Variants in HIKESHI observed in about 807,000 individuals in gnomAD.
HIKESHI encodes the protein protein Hikeshi.
HIKESHI carries 13 observed loss-of-function variants against 25.7 expected under a neutral mutation model. The observed-to-expected ratio is 0.51, with a 90% confidence interval of 0.33 to 0.80. The LOEUF (loss-of-function observed/expected upper bound fraction) is 0.80, where lower values mean the gene tolerates loss of function less well. HIKESHI is among the 30% of genes least tolerant of loss of function. The pLI, the probability that HIKESHI is intolerant of heterozygous loss-of-function variation, is 0.02. For missense variants in HIKESHI, 174 were observed against 229.5 expected, an observed-to-expected ratio of 0.76 and a Z score of 1.56; for synonymous variants, 76 against 78.7, an observed-to-expected ratio of 0.97 and a Z score of 0.18.
intron 2 of HIKESHI, among the ~76,000 whole-genome samples, chr11:86,322,948 G>T (rs1479530415): frequency 6.6e-6 from 1 of 152,078 alleles, no homozygotes; most frequent in Non-Finnish European, 1.5e-5. Context: ...TAAAATATAG[G>T]CTGGGCACGG....
chr11:86,323,711 G>T (rs291218), intron 2 of HIKESHI, among the ~76,000 whole-genome samples: 9 of 151,996 alleles, frequency 5.9e-5, no homozygotes, highest in Non-Finnish European at 1.3e-4. Context: ...CTTGTGACAC[G>T]TAAGAGATTG....
intron 2 of HIKESHI, among the ~76,000 whole-genome samples, chr11:86,336,941 GAA>G (rs763156415): frequency 1.5e-5 from 2 of 136,672 alleles, no homozygotes. Context: ...GTTCTGAAAG[GAA>G]AAAAAAAAAA....
chr11:86,306,046 G>A (rs778002538), intron 1 of HIKESHI, among the ~76,000 whole-genome samples, 199 bp from the exon 2 acceptor site: 8 of 152,000 alleles, frequency 5.3e-5, no homozygotes, highest in Non-Finnish European at 8.8e-5. Context: ...TGATCTGCCC[G>A]AGTTATATTT....
At chr11:86,306,769 C>T (rs1014090290) in intron 2 of HIKESHI, among the ~76,000 whole-genome samples, 2 of 151,360 alleles carry the variant, frequency 1.3e-5, no homozygotes, top group Non-Finnish European at 2.9e-5. Context: ...GAGGCCCTGG[C>T]GGGCGGATCA....
chr11:86,337,744 G>C (rs369678376), intron 3 of HIKESHI, among the ~76,000 whole-genome samples: 2 of 152,088 alleles, frequency 1.3e-5, no homozygotes, highest in Non-Finnish European at 2.9e-5. Context: ...TGCAATTTCC[G>C]CCTCCCGGGT....
At chr11:86,313,141 G>C (rs565722174) in intron 2 of HIKESHI, among the ~76,000 whole-genome samples, 11 of 152,192 alleles carry the variant, frequency 7.2e-5, no homozygotes, top group South Asian at 6.2e-4. Context: ...AATGAAACTA[G>C]ATTCGGTGCC....
At chr11:86,322,024 G>C (rs1947161950) in intron 2 of HIKESHI, among the ~76,000 whole-genome samples, 1 of 152,126 alleles carries the variant, frequency 6.6e-6, no homozygotes, top group African/African-American at 2.4e-5. Context: ...GTCTCACTCT[G>C]TCACCCAGGC....
At position 86,307,949 on chromosome 11, in the gene HIKESHI, T is replaced by TAATATAATATATAA. The variant is rs1946701276; in HGVS notation, c.268+1473_268+1474insATATATAAAATATA. On this transcript the variant is annotated intron_variant, in intron 2 of 4. Transcript: ENST00000278483. ...TAATATATAAAATATATATTATGTGTAATATATATTATATAAAATATATAT... is the reference window on the plus strand; with the variant it reads ...TAATATATAAAATATATATTATGTGTAATATAATATATAAAATATATATTATATAAAATATATAT... 3.3e-5 allele frequency among the ~76,000 whole-genome samples: 2 copies of TAATATAATATATAA among 61,078 alleles called. 1 individual carries two copies. The highest frequency in any genetic ancestry group is 1.8e-4 in the African/African-American group (2 of 11,104). The allele number at this position is 61,078 out of a possible 152,430, so 40.1% of individuals were successfully genotyped here.
At chr11:86,340,844 C>T (rs966062782) in intron 3 of HIKESHI, among the ~76,000 whole-genome samples, 11 of 152,216 alleles carry the variant, frequency 7.2e-5, no homozygotes, top group Admixed American at 4.6e-4. Context: ...GGGGTTTCAC[C>T]ATGTTGGTCA....
At chr11:86,306,584 G>T in intron 2 of HIKESHI, 102 bp downstream of exon 2, 1 of 665,592 alleles carries the variant, frequency 1.5e-6, no homozygotes, top group Non-Finnish European at 2.5e-6. Context: ...GTGTTTTTCT[G>T]GTTGTTAAAG....
intron 3 of HIKESHI, among the ~76,000 whole-genome samples, chr11:86,339,651 G>C (rs928145184): frequency 6.6e-6 from 1 of 152,010 alleles, no homozygotes; most frequent in Non-Finnish European, 1.5e-5. Context: ...AATATGTATA[G>C]TACTATCTGT....
chr11:86,342,441 C>A (rs1199278793), intron 3 of HIKESHI, among the ~76,000 whole-genome samples: 2 of 151,012 alleles, frequency 1.3e-5, no homozygotes, highest in Non-Finnish European at 1.5e-5. Flanking sequence ...TTTGAGAAAT[C>A]CTTCTCTGTC....
intron 2 of HIKESHI, among the ~76,000 whole-genome samples, chr11:86,328,251 T>C (rs1215370174): frequency 6.6e-6 from 1 of 152,010 alleles, no homozygotes; most frequent in Non-Finnish European, 1.5e-5. Flanking sequence ...GAAAACAACA[T>C]TTACATTTCT....
At chr11:86,335,028 CAGTA>C (rs1327298880) in intron 2 of HIKESHI, among the ~76,000 whole-genome samples, 1 of 152,188 alleles carries the variant, frequency 6.6e-6, no homozygotes, top group Non-Finnish European at 1.5e-5. Flanking sequence ...CACTGAATCT[CAGTA>C]AGAACAGTGA....
rs1218981419 is a variant in HIKESHI at position 86,319,242 on chromosome 11, ATT to A, written c.268+12773_268+12774del. ...AATATATATATATATATATATATAT[ATT>A]TTTTTTTTTTTTGAGACCAGTCTCA... On this transcript the variant is annotated intron_variant, in intron 2 of 4. Transcript: ENST00000278483. 5.4e-3 allele frequency among the ~76,000 whole-genome samples: 508 copies of A among 94,934 alleles called. 4 individuals carry two copies. Among genetic ancestry groups the A allele is most frequent in the African/African-American group, 0.022 (481 of 21,646 alleles). 62.3% of individuals were successfully genotyped at this position (94,934 alleles called of 152,430 possible). A position where few individuals can be genotyped will look rare whatever the true frequency, so the allele number is the denominator to read the frequency against.
At chr11:86,338,847 A>G (rs921956095) in intron 3 of HIKESHI, among the ~76,000 whole-genome samples, 3 of 152,244 alleles carry the variant, frequency 2.0e-5, no homozygotes, top group African/African-American at 7.2e-5. Flanking sequence ...TGGAAAATAC[A>G]CATTAAAATG....
Position 86,344,605 on chromosome 11 carries a change from C to A in HIKESHI, c.423C>A (p.Phe141Leu). The change falls in exon 4 of 5, where the codon TTC becomes TTA. Residue 141 changes from phenylalanine (F) to leucine (L), a missense_variant and splice_region_variant. By Grantham distance (22) the Phe-to-Leu change is conservative (BLOSUM62 0). Transcript: ENST00000278483. ...TTAATCTATTATTAACTTTTCAGTTCACACAAAAGATGTTGGACAATTTCT... is the reference window on the plus strand; with the variant it reads ...TTAATCTATTATTAACTTTTCAGTTAACACAAAAGATGTTGGACAATTTCT... ...AVSSVDSFTQ[F>L]TQKMLDNFYN... is the part of the protein sequence containing the mutation. The A allele has an allele frequency of 6.4e-7, 1 of 1,559,734 alleles. No homozygotes were observed. The highest frequency in any genetic ancestry group is 8.8e-7 in the Non-Finnish European group (1 of 1,135,398).
intron 2 of HIKESHI, among the ~76,000 whole-genome samples, chr11:86,322,599 T>A (rs1014217119): frequency 1.3e-5 from 2 of 152,162 alleles, no homozygotes; most frequent in African/African-American, 4.8e-5. Flanking sequence ...GTGTTTTTTG[T>A]AGAGAAGTTT....
intron 2 of HIKESHI, among the ~76,000 whole-genome samples, chr11:86,317,567 G>A (rs1193066265): frequency 1.3e-5 from 2 of 152,186 alleles, no homozygotes; most frequent in Non-Finnish European, 2.9e-5. Flanking sequence ...TGCTTTGGGA[G>A]GCCGAGGCAG....
Sources: allele counts gnomAD v4.1 joint callset (sites outside exome capture counted in the v4.1 genomes callset), GRCh38; gene constraint gnomAD v4.1.1; transcripts MANE v1.5; gene names NCBI Gene and HGNC (gene_info 2026-07-23, HGNC 2026-07-21).